The following ARRDC1 variants were observed in gnomAD, a reference collection of about 807,000 sequenced individuals.
The protein encoded by ARRDC1 is arrestin domain containing 1.
A neutral mutation model predicts 40.1 loss-of-function variants in ARRDC1; 37 were observed. That is an observed-to-expected ratio of 0.92 (90% CI 0.71 to 1.21). ARRDC1 has a LOEUF of 1.21. ARRDC1 is among the 50% of genes most tolerant of loss of function. ARRDC1 has a pLI of 0.00. For synonymous variants in ARRDC1, 310 were observed against 262.5 expected, an observed-to-expected ratio of 1.18 and a Z score of -1.75; for missense variants, 641 against 581.9, an observed-to-expected ratio of 1.10 and a Z score of -1.04.
chr9:137,612,999 A>C lies in ARRDC1; in HGVS notation c.222A>C (p.Ala74=). The C allele has an allele frequency of 6.2e-7, 1 of 1,613,240 alleles. No individual in the cohort carries two copies. Among genetic ancestry groups the C allele is most frequent in the Non-Finnish European group, 8.5e-7 (1 of 1,179,320 alleles). Residue 74 remains alanine, a synonymous_variant, in exon 2 of 8, where the codon GCA becomes GCC. Transcript: ENST00000371421. ...ACTTCAACAGTTCCCTGTCGCTGGCAGACAAGGGTAAGTTTGGGAGCCAGT... is the reference window on the plus strand; with the variant it reads ...ACTTCAACAGTTCCCTGTCGCTGGCCGACAAGGGTAAGTTTGGGAGCCAGT... ...EGYFNSSLSL[A]DKGSLPAGEH...
At chr9:137,606,794 G>C (rs1842431535) in intron 1 of ARRDC1, among the ~76,000 whole-genome samples, 1 of 152,174 alleles carries the variant, frequency 6.6e-6, no homozygotes, top group Non-Finnish European at 1.5e-5. Context: ...AGGTGTGGCC[G>C]TGGCAGGGCA....
intron 1 of ARRDC1, chr9:137,612,205 C>T (rs191379498): frequency 3.9e-5 from 6 of 152,586 alleles, no homozygotes; most frequent in African/African-American, 1.4e-4. Flanking sequence ...TCTGGACACA[C>T]ATCTGTTGGA....
At chr9:137,613,877 AG>A (rs745700029) in intron 4 of ARRDC1, 108 bp downstream of exon 4, 4 of 1,532,004 alleles carry the variant, frequency 2.6e-6, no homozygotes, top group Non-Finnish European at 3.6e-6. Context: ...AGCTGAGGTG[AG>A]GGGGGCCAGG....
chr9:137,613,429 A>G, intron 2 of ARRDC1, 31 bp from the exon 3 acceptor site: 1 of 1,602,590 alleles, frequency 6.2e-7, no homozygotes, highest in Non-Finnish European at 8.5e-7. Flanking sequence ...TCAGGGGGGG[A>G]CTGCCCCCCA....
In ARRDC1 at chr9:137,613,928, G is replaced by A. The variant is rs756664802; in HGVS notation, c.436-104G>A. 7.8e-6 allele frequency: 12 copies of A among 1,546,078 alleles called. No individual in the cohort carries two copies. In the South Asian group the frequency reaches 1.4e-4, roughly 18 times the overall value. On this transcript the variant is annotated intron_variant, in intron 4 of 7. Coordinates refer to ENST00000371421, the MANE Select transcript of ARRDC1 (RefSeq NM_152285.4). ...GCCTCTTTGCCCTGAGCTGACTGCT[G>A]ATGTCCAGGGGCAGGGCGTGGCAGG...
chr9:137,614,107 A>G lies in ARRDC1; in HGVS notation c.511A>G (p.Ser171Gly), dbSNP rs1842603634. ...VKTGSVVLTA[S>G]TDLRGYVVGQ... ...GACGGGCAGCGTGGTCCTCACAGCCAGCACTGATCTCCGCGGCTATGTGGT... is the reference window on the plus strand; with the variant it reads ...GACGGGCAGCGTGGTCCTCACAGCCGGCACTGATCTCCGCGGCTATGTGGT... Residue 171 changes from serine (S) to glycine (G), a missense_variant, in exon 5 of 8, where the codon AGC becomes GGC. Transcript: ENST00000371421. 1.2e-6 allele frequency: 2 copies of G among 1,613,786 alleles called. No homozygotes were observed. The highest frequency in any genetic ancestry group is 1.6e-4 in the Middle Eastern group (1 of 6,062).
chr9:137,614,491 G>A lies in ARRDC1; in HGVS notation c.795+16G>A. 2 of 1,613,186 alleles carry A rather than the reference G, an allele frequency of 1.2e-6. No homozygotes were observed. Among genetic ancestry groups the A allele is most frequent in the East Asian group, 2.2e-5 (1 of 44,862 alleles). ...CTACTTACAGGTTTGGTGCTGCTGG[G>A]GGCTGGGTGGTCTGAGGCCTAGTGG... On this transcript the variant is annotated intron_variant, in intron 6 of 7. Coordinates refer to ENST00000371421, the MANE Select transcript of ARRDC1 (RefSeq NM_152285.4).
chr9:137,613,924 T>A, intron 4 of ARRDC1, 108 bp from the exon 5 acceptor site: 1 of 1,542,672 alleles, frequency 6.5e-7, no homozygotes, highest in Middle Eastern at 1.8e-4. Flanking sequence ...CTGAGCTGAC[T>A]GCTGATGTCC....
chr9:137,613,889 G>A, intron 4 of ARRDC1, 120 bp downstream of exon 4: 3 of 1,532,966 alleles, frequency 2.0e-6, no homozygotes, highest in South Asian at 1.2e-5. Context: ...GGGGGCCAGG[G>A]TCTGGAGGCA....
chr9:137,614,784 C>T lies in ARRDC1; in HGVS notation c.1021C>T (p.Gln341Ter). Residue 341 changes from glutamine to a stop codon, truncating the protein, a stop_gained, in exon 7 of 8, where the codon CAG (glutamine) becomes TAG (stop). Transcript: ENST00000371421. LOFTEE classifies it high-confidence loss of function. ...CTTCCTCTCCACCAAGAGCCATTCG[C>T]AGCGGCAGCCCCTGCTGGCCACCTT... ...PVFLSTKSHS[Q>*]RQPLLATLSS... 1 of 1,612,122 alleles carries T rather than the reference C, an allele frequency of 6.2e-7. No homozygotes were observed. Among genetic ancestry groups the T allele is most frequent in the Middle Eastern group, 1.7e-4 (1 of 6,056 alleles).
rs765153130 is a variant in ARRDC1, at chr9:137,615,148, G to A, written c.*10G>A. 1.3e-6 allele frequency: 2 copies of A among 1,523,030 alleles called. No homozygotes were observed. The highest frequency in any genetic ancestry group is 2.1e-5 in the Admixed American group (1 of 47,248). 94.3% of individuals were successfully genotyped at this position (1,523,030 alleles called of 1,614,324 possible). ...GACCCCTGAGAGCTGACCCCGTGCT[G>A]CCTTCTCCAGGCAGGCCTGGCCTCT... On this transcript the variant is annotated 3_prime_UTR_variant, in exon 8 of 8. Coordinates refer to ENST00000371421, the MANE Select transcript of ARRDC1 (RefSeq NM_152285.4).
intron 1 of ARRDC1, among the ~76,000 whole-genome samples, chr9:137,608,074 C>G (rs1008831861): frequency 1.3e-5 from 2 of 152,162 alleles, no homozygotes; most frequent in Admixed American, 1.3e-4. Flanking sequence ...GCTCCGCCTC[C>G]CCGGTTCACG....
Position 137,608,780 on chromosome 9 carries a change from C to T in ARRDC1, c.118+2945C>T, listed in dbSNP as rs539604595. Among the ~76,000 whole-genome samples, 406 of 152,326 alleles carry T rather than the reference C, an allele frequency of 2.7e-3. 1 individual carries two copies. Among genetic ancestry groups the T allele is most frequent in the Non-Finnish European group, 4.4e-3 (296 of 68,040 alleles). On this transcript the variant is annotated intron_variant, in intron 1 of 7. Transcript: ENST00000371421. Reference sequence around the variant, plus strand: ...GGCAGGGAAGCAGCTGGCAGCTGTGCGGGAGCCCCTTGCCTCCCGTGTTCT... The same window carrying T: ...GGCAGGGAAGCAGCTGGCAGCTGTGTGGGAGCCCCTTGCCTCCCGTGTTCT...
At chr9:137,611,059 C>T (rs566613136) in intron 1 of ARRDC1, among the ~76,000 whole-genome samples, 19 of 152,222 alleles carry the variant, frequency 1.2e-4, no homozygotes, top group Non-Finnish European at 1.9e-4. Flanking sequence ...GTTAAAAGCA[C>T]GGCAGCATTT....
At chr9:137,609,284 T>C (rs1034082113) in intron 1 of ARRDC1, among the ~76,000 whole-genome samples, 1 of 152,162 alleles carries the variant, frequency 6.6e-6, no homozygotes, top group Non-Finnish European at 1.5e-5. Flanking sequence ...CAGGCTGGAG[T>C]GCAGTGGTGC....
intron 1 of ARRDC1, among the ~76,000 whole-genome samples, chr9:137,606,082 G>A (rs895410245): frequency 5.3e-5 from 8 of 151,832 alleles, no homozygotes; most frequent in African/African-American, 1.9e-4. Flanking sequence ...CGGGTCCACT[G>A]TGGAGGACGC....
At chr9:137,611,909 C>G (rs887247919) in intron 1 of ARRDC1, 3 of 152,292 alleles carry the variant, frequency 2.0e-5, no homozygotes, top group Non-Finnish European at 4.4e-5. Context: ...CTCGGCACAC[C>G]GGTACTCCTC....
intron 1 of ARRDC1, among the ~76,000 whole-genome samples, chr9:137,606,281 G>A (rs1175480676): frequency 6.6e-5 from 10 of 152,144 alleles, no homozygotes; most frequent in Non-Finnish European, 8.8e-5. Flanking sequence ...CCGCCAGCAG[G>A]CCTCGCCGGC....
At chr9:137,608,311 G>C (rs1202655665) in intron 1 of ARRDC1, among the ~76,000 whole-genome samples, 2 of 152,238 alleles carry the variant, frequency 1.3e-5, no homozygotes, top group East Asian at 3.8e-4. Flanking sequence ...GCATGGGGGA[G>C]GAGGGACAGG....
Sources: gnomAD v4.1 joint callset for allele counts (sites outside exome capture counted in the v4.1 genomes callset) on GRCh38, gnomAD v4.1.1 for gene constraint, MANE v1.5 for transcripts, NCBI Gene and HGNC (gene_info 2026-07-23, HGNC 2026-07-21) for gene names.